Variants in ALPL observed in about 807,000 individuals in gnomAD.
ALPL encodes the protein alkaline phosphatase, biomineralization associated, also known as alkaline phosphatase, tissue-nonspecific isozyme.
In ALPL, 42 loss-of-function variants were observed where a neutral mutation model predicts 51.3. The ratio of observed to expected loss-of-function variants is 0.82; its 90% CI spans 0.64 to 1.06. ALPL has a LOEUF of 1.06. ALPL is among the 50% of genes least tolerant of loss of function. ALPL has a pLI of 0.00. For synonymous variants in ALPL, 279 were observed against 296.4 expected (o/e 0.94, Z 0.60); for missense variants, 589 against 709.4 (o/e 0.83, Z 1.93).
chr1:21,567,994 G>A, intron 6 of ALPL, 110 bp from the exon 7 acceptor site: 1 of 1,478,524 alleles, frequency 6.8e-7, no homozygotes, highest in Non-Finnish European at 9.4e-7. Flanking sequence ...GGCTGGGAAA[G>A]TGTCCACACC....
Position 21,550,529 on chromosome 1 carries a change from T to A in ALPL, c.-104-3449T>A, listed in dbSNP as rs1294287282. Among the ~76,000 whole-genome samples the A allele has an allele frequency of 2.0e-5, 3 of 152,204 alleles. No individual in the cohort carries two copies. The East Asian group carries it at 5.8e-4, about 29-fold the overall frequency. On this transcript the variant is annotated intron_variant, in intron 1 of 11. Coordinates refer to ENST00000374840, the MANE Select transcript of ALPL (RefSeq NM_000478.6). Reference sequence around the variant, plus strand: ...CATTTTGTCAGTATCCTTTATAGATTGTTCATGTAAGCTCCCAAAGAGTAG... The same window carrying A: ...CATTTTGTCAGTATCCTTTATAGATAGTTCATGTAAGCTCCCAAAGAGTAG...
intron 1 of ALPL, among the ~76,000 whole-genome samples, chr1:21,515,868 G>GTTT (rs1247563164): frequency 2.2e-4 from 3 of 13,398 alleles, no homozygotes; most frequent in African/African-American, 4.2e-4. Flanking sequence ...TTGTTTGTTT[G>GTTT]TTTTGTTGTT....
intron 1 of ALPL, among the ~76,000 whole-genome samples, chr1:21,530,059 G>A (rs1056099538): frequency 6.6e-6 from 1 of 152,144 alleles, no homozygotes; most frequent in Non-Finnish European, 1.5e-5. Context: ...ACAGGTGTGA[G>A]CCACCGCATC....
intron 1 of ALPL, among the ~76,000 whole-genome samples, chr1:21,515,323 G>A (rs866968170): frequency 6.6e-6 from 1 of 152,106 alleles, no homozygotes; most frequent in African/African-American, 2.4e-5. Context: ...CTTGGCCCCT[G>A]AAAGTGCTGA....
In ALPL at chr1:21,577,116, C is replaced by A. The variant is rs186160814; in HGVS notation, c.1310-267C>A. Reference sequence around the variant, plus strand: ...CTAAAGATGCAGCAATGGTAAGAGTCTCCCCGTCAACTCTCCCTGCTAATC... The same window carrying A: ...CTAAAGATGCAGCAATGGTAAGAGTATCCCCGTCAACTCTCCCTGCTAATC... On this transcript the variant is annotated intron_variant, in intron 11 of 11. Transcript: ENST00000374840. 1.6e-3 allele frequency among the ~76,000 whole-genome samples: 245 copies of A among 152,314 alleles called. 1 individual carries two copies. The highest frequency in any genetic ancestry group is 2.9e-3 in the Non-Finnish European group (196 of 68,028).
intron 6 of ALPL, among the ~76,000 whole-genome samples, chr1:21,567,773 T>G (rs1454536882): frequency 2.0e-5 from 3 of 152,194 alleles, no homozygotes; most frequent in Admixed American, 2.0e-4. Flanking sequence ...GTATCTTAAA[T>G]GCTTAGTGCC....
At position 21,553,630 on chromosome 1, in the gene ALPL, G is replaced by T. The variant is rs534299267; in HGVS notation, c.-104-348G>T. Among the ~76,000 whole-genome samples the T allele has an allele frequency of 1.6e-3, 237 of 152,356 alleles. 2 individuals are homozygous for T. Among genetic ancestry groups the T allele is most frequent in the African/African-American group, 5.3e-3 (219 of 41,584 alleles). ...AATCTGTTGTAACAAGCCCTTGGGG[G>T]ATTCAGATGCTTGCTCTCCTTACAG... On this transcript the variant is annotated intron_variant, in intron 1 of 11. Coordinates refer to ENST00000374840, the MANE Select transcript of ALPL (RefSeq NM_000478.6).
chr1:21,520,002 C>T (rs565421044), intron 1 of ALPL, among the ~76,000 whole-genome samples: 1 of 152,162 alleles, frequency 6.6e-6, no homozygotes, highest in Admixed American at 6.5e-5. Context: ...TGTGCTGCCC[C>T]CCGCATCCCA....
upstream of ALPL, among the ~76,000 whole-genome samples, chr1:21,509,201 C>T (rs1431513799): frequency 6.6e-6 from 1 of 151,864 alleles, no homozygotes; most frequent in Non-Finnish European, 1.5e-5. The surrounding 1 kb of genome is among the most constrained non-coding windows in gnomAD (Gnocchi z 6.0). Context: ...GCGAGGGACG[C>T]CAGGGCCGCG....
At chr1:21,573,552 C>A in intron 8 of ALPL, 113 bp from the exon 9 acceptor site, 1 of 1,371,632 alleles carries the variant, frequency 7.3e-7, no homozygotes, top group Non-Finnish European at 1.0e-6. Context: ...CCATACTCTA[C>A]CCCAAGCTGG....
At chr1:21,523,860 G>A (rs1643908271) in intron 1 of ALPL, among the ~76,000 whole-genome samples, 1 of 152,092 alleles carries the variant, frequency 6.6e-6, no homozygotes, top group South Asian at 2.1e-4. Flanking sequence ...GGTGAGGGGG[G>A]ATGTGTCTGC....
At position 21,513,894 on chromosome 1, in the gene ALPL, C is replaced by T. The variant is rs1415109790; in HGVS notation, c.-105+4377C>T. Among the ~76,000 whole-genome samples, 9 of 152,180 alleles carry T rather than the reference C, an allele frequency of 5.9e-5. No homozygotes were observed. The South Asian group carries it at 1.0e-3, about 17-fold the overall frequency. On this transcript the variant is annotated intron_variant, in intron 1 of 11. Coordinates refer to ENST00000374840, the MANE Select transcript of ALPL (RefSeq NM_000478.6). The stretch of plus-strand genomic sequence containing the variant: ...GCTCCATCCACTTTACCACAGTCTC[C>T]ACCACGCCCCACTGCCTCACACTTG...
rs529073498 is a variant in ALPL, at chr1:21,523,885, G to C, written c.-105+14368G>C. Among the ~76,000 whole-genome samples, 4 of 152,012 alleles carry C rather than the reference G, an allele frequency of 2.6e-5. No homozygotes were observed. The South Asian group carries it at 8.3e-4, about 32-fold the overall frequency. On this transcript the variant is annotated intron_variant, in intron 1 of 11. Coordinates refer to ENST00000374840, the MANE Select transcript of ALPL (RefSeq NM_000478.6). ...GATGTGTCTGCCATGGGGTTGTCTG[G>C]TCCAGAGATCCAGGCCTAGCTCTTT...
chr1:21,549,927 A>G (rs1644299912), intron 1 of ALPL, among the ~76,000 whole-genome samples: 1 of 152,252 alleles, frequency 6.6e-6, no homozygotes, highest in African/African-American at 2.4e-5. Context: ...GCTGAAGACT[A>G]CAGAGTGCTG....
At position 21,570,326 on chromosome 1, in the gene ALPL, C is replaced by T. The variant is rs121918020; in HGVS notation, c.814C>T (p.Arg272Cys). The change falls in exon 8 of 12, where the codon CGC becomes TGC. Residue 272 changes from arginine to cysteine, a missense_variant. Transcript: ENST00000374840. ...CTAGCACTCCCACTTCATCTGGAAC[C>T]GCACGGAACTCCTGACCCTTGACCC... ...RYKHSHFIWN[R>C]TELLTLDPHN... 47 of 1,614,004 alleles carry T rather than the reference C, an allele frequency of 2.9e-5. No individual in the cohort carries two copies. Among genetic ancestry groups the T allele is most frequent in the Non-Finnish European group, 3.8e-5 (45 of 1,180,038 alleles).
At chr1:21,569,483 T>G (rs1325072000) in intron 7 of ALPL, among the ~76,000 whole-genome samples, 3 of 152,116 alleles carry the variant, frequency 2.0e-5, no homozygotes, top group African/African-American at 7.2e-5. Context: ...TCTGTGTGCC[T>G]CGGTGCCCTC....
chr1:21,556,861 C>T (rs1249233394), intron 2 of ALPL, among the ~76,000 whole-genome samples: 1 of 152,128 alleles, frequency 6.6e-6, no homozygotes, highest in Non-Finnish European at 1.5e-5. Flanking sequence ...ATCACTTGAA[C>T]CCAGGAGGCG....
chr1:21,555,665 G>A (rs1270821439), intron 2 of ALPL, among the ~76,000 whole-genome samples: 3 of 152,078 alleles, frequency 2.0e-5, no homozygotes, highest in Admixed American at 1.3e-4. Context: ...TGATCCACCC[G>A]CCTTGGCCTC....
At chr1:21,519,738 A>G (rs577810002) in intron 1 of ALPL, among the ~76,000 whole-genome samples, 2 of 152,350 alleles carry the variant, frequency 1.3e-5, no homozygotes, top group South Asian at 2.1e-4. Flanking sequence ...CGGAGGTTGC[A>G]GTGAGCAGAG....
Sources: allele counts gnomAD v4.1 joint callset (sites outside exome capture counted in the v4.1 genomes callset), GRCh38; gene constraint gnomAD v4.1.1; non-coding constraint Gnocchi (gnomAD v3.1); transcripts MANE v1.5; gene names NCBI Gene and HGNC (gene_info 2026-07-23, HGNC 2026-07-21).